Variants in ZNF521 observed in about 807,000 individuals in gnomAD.
ZNF521 encodes the protein zinc finger protein 521.
A neutral mutation model predicts 105.5 loss-of-function variants in ZNF521; 14 were observed. That is an observed-to-expected ratio of 0.13 (90% CI 0.09 to 0.21). The LOEUF (loss-of-function observed/expected upper bound fraction) is 0.21. Ranked by LOEUF, ZNF521 falls within the 10% of genes least tolerant of loss-of-function variation. The pLI, the probability that ZNF521 is intolerant of heterozygous loss-of-function variation, is 1.00. For synonymous variants in ZNF521, 635 were observed against 606.0 expected, an observed-to-expected ratio of 1.05 and a Z score of -0.70; for missense variants, 1,233 against 1,629.7, an observed-to-expected ratio of 0.76 and a Z score of 4.19.
chr18:25,351,901 AGCGGCGGCGGCAGCGGCGGC>A, intron 1 of ZNF521, 84 bp downstream of exon 1: 1 of 280,722 alleles, frequency 3.6e-6, no homozygotes, highest in South Asian at 3.1e-5. Flanking sequence ...CAGCGGCGGC[AGCGGCGGCGGCAGCGGCGGC>A]GAGAGCAGGA....
chr18:25,295,557 G>A (rs186731986), intron 3 of ZNF521, among the ~76,000 whole-genome samples: 5 of 150,164 alleles, frequency 3.3e-5, no homozygotes, highest in Non-Finnish European at 1.5e-5. Context: ...TTGCATGCCC[G>A]TATCAAAATA....
chr18:25,106,242 G>A (rs754204982), intron 5 of ZNF521, among the ~76,000 whole-genome samples: 1 of 152,002 alleles, frequency 6.6e-6, no homozygotes, highest in Non-Finnish European at 1.5e-5. Context: ...AATGGTACCC[G>A]TTACAAGGTT....
At chr18:25,168,732 T>C (rs2035393714) in intron 5 of ZNF521, among the ~76,000 whole-genome samples, 1 of 152,192 alleles carries the variant, frequency 6.6e-6, no homozygotes, top group African/African-American at 2.4e-5. Context: ...ATCAAGCCAA[T>C]TACCTGAGAT....
intron 5 of ZNF521, among the ~76,000 whole-genome samples, chr18:25,191,461 C>T (rs2035816775): frequency 6.6e-6 from 1 of 152,078 alleles, no homozygotes; most frequent in Admixed American, 6.6e-5. Flanking sequence ...TACCACCAGC[C>T]GCTTGCAATT....
chr18:25,128,212 GA>G (rs376183024), intron 5 of ZNF521, among the ~76,000 whole-genome samples: 19 of 145,712 alleles, frequency 1.3e-4, no homozygotes, highest in South Asian at 4.3e-4. Context: ...AGAGACTAAA[GA>G]AAAAAAAAAT....
chr18:25,284,712 A>G (rs1224754110), intron 3 of ZNF521, among the ~76,000 whole-genome samples: 1 of 152,196 alleles, frequency 6.6e-6, no homozygotes, highest in East Asian at 1.9e-4. Context: ...GCACCATAAA[A>G]AAAGAGAAAG....
intron 5 of ZNF521, among the ~76,000 whole-genome samples, chr18:25,104,646 T>C (rs1036647123): frequency 1.3e-5 from 2 of 152,192 alleles, no homozygotes; most frequent in Non-Finnish European, 2.9e-5. Context: ...ATTTTTAAAT[T>C]TGACAATCTG....
intron 5 of ZNF521, among the ~76,000 whole-genome samples, chr18:25,101,969 G>A (rs2033973306): frequency 6.6e-6 from 1 of 152,116 alleles, no homozygotes; most frequent in South Asian, 2.1e-4. Context: ...ACTATAAGGT[G>A]TCAAAATATA....
chr18:25,266,584 T>C (rs903382304), intron 3 of ZNF521, among the ~76,000 whole-genome samples: 2 of 152,078 alleles, frequency 1.3e-5, no homozygotes, highest in Non-Finnish European at 2.9e-5. Flanking sequence ...GGACAGTGGG[T>C]GCAGCCGACG....
rs145068263 is a variant in ZNF521 at position 25,227,603 on chromosome 18, G to A, written c.315C>T (p.Cys105=). ...DQTSPSHGEG[C]DFGEEEGGPG... ...GGCCACCTTCTTCCTCTCCAAAATC[G>A]CAACCTTCTCCATGGCTAGGGGAAG... Residue 105 remains cysteine (C), a synonymous_variant, in exon 4 of 8, where the codon TGC becomes TGT. Transcript: ENST00000361524. This position sits in a 1 kb window ranked among gnomAD's most constrained non-coding sequence, Gnocchi z 5.7. 9.2e-4 allele frequency: 1,488 copies of A among 1,614,056 alleles called. 5 individuals are homozygous for A. Among genetic ancestry groups the A allele is most frequent in the Middle Eastern group, 9.1e-3 (55 of 6,062 alleles).
intron 3 of ZNF521, among the ~76,000 whole-genome samples, chr18:25,298,899 C>CTTT (rs1911472229): frequency 6.6e-6 from 1 of 152,194 alleles, no homozygotes; most frequent in African/African-American, 2.4e-5. Flanking sequence ...TCACACTCCT[C>CTTT]TTTTAAAGAG....
At chr18:25,171,479 G>A (rs913591995) in intron 5 of ZNF521, among the ~76,000 whole-genome samples, 8 of 152,042 alleles carry the variant, frequency 5.3e-5, no homozygotes, top group African/African-American at 1.9e-4. Flanking sequence ...GTCTTAAAAC[G>A]GTTACAAAGC....
intron 3 of ZNF521, among the ~76,000 whole-genome samples, chr18:25,275,301 A>T (rs1909958609): frequency 6.6e-6 from 1 of 152,206 alleles, no homozygotes; most frequent in African/African-American, 2.4e-5. Context: ...AATTTTTTTA[A>T]AAAATAGGAA....
At chr18:25,141,825 C>T (rs1054491680) in intron 5 of ZNF521, among the ~76,000 whole-genome samples, 1 of 152,086 alleles carries the variant, frequency 6.6e-6, no homozygotes, top group African/African-American at 2.4e-5. Context: ...CCCCAGTTTT[C>T]CAATTATAGA....
intron 5 of ZNF521, among the ~76,000 whole-genome samples, chr18:25,164,804 AC>A (rs1053569380): frequency 6.6e-6 from 1 of 152,204 alleles, no homozygotes; most frequent in African/African-American, 2.4e-5. Flanking sequence ...ACAGAAGATG[AC>A]CAGCTGGCAT....
intron 3 of ZNF521, among the ~76,000 whole-genome samples, chr18:25,247,559 A>C (rs1361635449): frequency 6.6e-6 from 1 of 152,196 alleles, no homozygotes; most frequent in African/African-American, 2.4e-5. Flanking sequence ...TGAAGTTTAG[A>C]TTAGTATTTT....
chr18:25,350,515 CAT>C (rs1279516876), intron 2 of ZNF521, among the ~76,000 whole-genome samples: 1 of 152,158 alleles, frequency 6.6e-6, no homozygotes, highest in Non-Finnish European at 1.5e-5. Flanking sequence ...CACGGTTTTG[CAT>C]ATTTATTCTT....
At position 25,343,224 on chromosome 18, in the gene ZNF521, T is replaced by C. The variant is rs78326471; in HGVS notation, c.40+7683A>G. On this transcript the variant is annotated intron_variant, in intron 2 of 7. Transcript: ENST00000361524. ...ATAAATTTTGAGAAAAAGCCAATCATAAGATGGAAAGAGAAGGTAATAAAG... is the reference window on the plus strand; with the variant it reads ...ATAAATTTTGAGAAAAAGCCAATCACAAGATGGAAAGAGAAGGTAATAAAG... Among the ~76,000 whole-genome samples the C allele has an allele frequency of 7.4e-3, 1,133 of 152,230 alleles. 8 individuals carry two copies. The highest frequency in any genetic ancestry group is 0.026 in the African/African-American group (1,079 of 41,536).
At chr18:25,340,245 C>G (rs1277045653) in intron 2 of ZNF521, among the ~76,000 whole-genome samples, 2 of 152,044 alleles carry the variant, frequency 1.3e-5, no homozygotes, top group African/African-American at 4.8e-5. Context: ...CTCTCAGCTA[C>G]TAGGGAGGCT....
Sources: gnomAD v4.1 joint callset for allele counts (sites outside exome capture counted in the v4.1 genomes callset) on GRCh38, gnomAD v4.1.1 for gene constraint, Gnocchi (gnomAD v3.1) non-coding constraint, MANE v1.5 for transcripts, NCBI Gene and HGNC (gene_info 2026-07-23, HGNC 2026-07-21) for gene names.